EIF4B: variants seen among roughly 807,000 people sequenced by gnomAD.
EIF4B encodes eukaryotic translation initiation factor 4B.
Under a neutral mutation model 79.3 loss-of-function variants are expected in EIF4B, and 8 were observed. The observed-to-expected ratio is 0.10, with a 90% CI of 0.06 to 0.18. The LOEUF is 0.18. Among genes scored for constraint, EIF4B ranks in the 10% least tolerant of loss-of-function variants. The pLI is 1.00. For synonymous variants in EIF4B, 238 were observed against 274.7 expected, an observed-to-expected ratio of 0.87 and a Z score of 1.32; for missense variants, 515 against 792.4, an observed-to-expected ratio of 0.65 and a Z score of 4.20.
At chr12:53,015,454 A>T (rs1264859994) in intron 1 of EIF4B, among the ~76,000 whole-genome samples, 2 of 152,150 alleles carry the variant, frequency 1.3e-5, no homozygotes, top group Non-Finnish European at 2.9e-5. Flanking sequence ...CTGAGGCAGG[A>T]GGATCACTTG....
intron 6 of EIF4B, among the ~76,000 whole-genome samples, chr12:53,026,003 G>A (rs898125881): frequency 2.0e-5 from 3 of 152,078 alleles, no homozygotes; most frequent in African/African-American, 7.2e-5. Flanking sequence ...GGAGGCTGAG[G>A]CAAGAGAATC....
chr12:53,034,070 C>T (rs570493688), intron 9 of EIF4B, 36 bp downstream of exon 9: 14 of 1,568,288 alleles, frequency 8.9e-6, no homozygotes, highest in Middle Eastern at 1.7e-4. Flanking sequence ...TCTAGGAATC[C>T]GGTGGTTCGT....
intron 1 of EIF4B, chr12:53,015,040 T>A (rs1267220343): frequency 6.6e-6 from 1 of 152,256 alleles, no homozygotes; most frequent in Non-Finnish European, 1.5e-5. Flanking sequence ...TTAAATGTGT[T>A]GGTTATTAGG....
At chr12:53,029,959 C>T (rs2120956374) in intron 8 of EIF4B, among the ~76,000 whole-genome samples, 1 of 151,948 alleles carries the variant, frequency 6.6e-6, no homozygotes, top group Non-Finnish European at 1.5e-5. Context: ...TGGTGGCTCA[C>T]ATTTGTGATT....
At position 53,018,869 on chromosome 12, in the gene EIF4B, A is replaced by G. The variant is rs1478274813; in HGVS notation, c.223A>G (p.Thr75Ala). 2 of 1,613,642 alleles carry G rather than the reference A, an allele frequency of 1.2e-6. No homozygotes were observed. Among genetic ancestry groups the G allele is most frequent in the South Asian group, 1.1e-5 (1 of 91,066 alleles). The change falls in exon 3 of 15, where the codon ACT (threonine) becomes GCT (alanine). Residue 75 changes from threonine to alanine, a missense_variant. Thr to Ala is a moderately conservative substitution (Grantham distance 58). This residue lies in a region of EIF4B where 105 missense variants were observed against 177.2 expected (regional missense o/e 0.59). Transcript: ENST00000262056. The stretch of plus-strand genomic sequence containing the variant: ...TCCAATTGACCGTTCCATCCTTCCC[A>G]CTGCTCCACGGGCTGCTCGGGAACC... ...APPIDRSILP[T>A]APRAAREPNI...
intron 6 of EIF4B, among the ~76,000 whole-genome samples, chr12:53,026,432 C>T (rs748593791): frequency 1.3e-5 from 2 of 152,050 alleles, no homozygotes; most frequent in Non-Finnish European, 2.9e-5. Context: ...TAGTTTATAA[C>T]ATAAACAACA....
intron 8 of EIF4B, among the ~76,000 whole-genome samples, chr12:53,030,708 T>C (rs11170381): frequency 0.83 from 125,819 of 151,818 alleles, 53,876 homozygotes; most frequent in East Asian, 0.97. Flanking sequence ...CTGCGCCCAG[T>C]GAAAAAACTA....
At position 53,027,853 on chromosome 12, in the gene EIF4B, C is replaced by G; in HGVS notation, c.739C>G (p.Arg247Gly). 1 of 1,614,202 alleles carries G rather than the reference C, an allele frequency of 6.2e-7. No individual in the cohort carries two copies. Among genetic ancestry groups the G allele is most frequent in the African/African-American group, 1.3e-5 (1 of 75,054 alleles). The change falls in exon 7 of 15, where the codon CGG becomes GGG. Residue 247 changes from arginine to glycine, a missense_variant. By Grantham distance (125) the Arg-to-Gly change is moderately radical (BLOSUM62 -2). Transcript: ENST00000262056. ...GGATGGGTATCGGGATGGCCCACGC[C>G]GGGATATGGATCGATATGGTGGCCG... The part of the protein sequence containing the change: ...YRDGYRDGPR[R>G]DMDRYGGRDR...
intron 1 of EIF4B, chr12:53,014,530 G>A (rs764841135): frequency 3.9e-5 from 6 of 152,036 alleles, no homozygotes; most frequent in South Asian, 2.1e-4. Context: ...TACCATGTTC[G>A]TGGTCAACTT....
intron 3 of EIF4B, 63 bp downstream of exon 3, chr12:53,019,069 G>A: frequency 6.4e-7 from 1 of 1,553,156 alleles, no homozygotes; most frequent in Non-Finnish European, 8.8e-7. Flanking sequence ...AAGACTAATT[G>A]TGGAATGGGC....
intron 6 of EIF4B, among the ~76,000 whole-genome samples, chr12:53,025,852 A>G (rs1943324416): frequency 6.6e-6 from 1 of 152,196 alleles, no homozygotes; most frequent in South Asian, 2.1e-4. Context: ...TCACGCCTGT[A>G]ATCCCAGCAC....
chr12:53,022,756 T>G, intron 6 of EIF4B, 129 bp downstream of exon 6: 1 of 1,240,348 alleles, frequency 8.1e-7, no homozygotes, highest in Non-Finnish European at 1.1e-6. Flanking sequence ...AGAAAAATTT[T>G]GGATAGTATC....
intron 10 of EIF4B, among the ~76,000 whole-genome samples, chr12:53,035,583 T>C (rs1034282681): frequency 2.6e-5 from 4 of 152,000 alleles, no homozygotes; most frequent in Non-Finnish European, 5.9e-5. Flanking sequence ...TTAGCCAGGA[T>C]GGTCTCAATC....
intron 5 of EIF4B, 158 bp from the exon 6 acceptor site, chr12:53,022,335 T>C (rs7975725): frequency 0.88 from 916,393 of 1,036,908 alleles, 410,507 homozygotes; most frequent in Non-Finnish European, 0.92. Context: ...CCACCTGGGG[T>C]TGAATTGGAG....
At chr12:53,016,731 T>C (rs1943154853) in intron 2 of EIF4B, 121 bp downstream of exon 2, 1 of 1,356,642 alleles carries the variant, frequency 7.4e-7, no homozygotes, top group African/African-American at 1.5e-5. Flanking sequence ...GCACCTGAAA[T>C]CTTACATATT....
chr12:53,027,814 C>T lies in EIF4B; in HGVS notation c.700C>T (p.Arg234Trp), dbSNP rs779783975. The change falls in exon 7 of 15, where the codon CGG becomes TGG. Residue 234 changes from arginine (R) to tryptophan (W), a missense_variant. Physicochemically the swap from Arg to Trp is moderately radical, Grantham distance 101. Transcript: ENST00000262056. ...AGATCGTTATGATTCAGACCGGTAT[C>T]GGGATGGGTATCGGGATGGGTATCG... ...YRDRYDSDRY[R>W]DGYRDGYRDG... 1.9e-5 allele frequency: 31 copies of T among 1,608,718 alleles called. No homozygotes were observed. The highest frequency in any genetic ancestry group is 4.0e-5 in the African/African-American group (3 of 74,620).
At chr12:53,039,769 A>C in intron 14 of EIF4B, 67 bp downstream of exon 14, 1 of 1,510,856 alleles carries the variant, frequency 6.6e-7, no homozygotes. Flanking sequence ...AAGTATTCTT[A>C]CTAAGAATTA....
Position 53,027,368 on chromosome 12 carries a change from G to A in EIF4B, c.668-414G>A, listed in dbSNP as rs574675137. On this transcript the variant is annotated intron_variant, in intron 6 of 14. Coordinates refer to ENST00000262056, the MANE Select transcript of EIF4B (RefSeq NM_001417.7). ...AGGATGGTCTCGATCTCTTGAACTC[G>A]TGATCTGCCCACCTCGGGCTCCCAA... is the stretch of plus-strand genomic sequence containing the variant. Among the ~76,000 whole-genome samples the A allele has an allele frequency of 2.6e-5, 4 of 151,414 alleles. No homozygotes were observed. In the South Asian group the frequency reaches 6.3e-4, roughly 24 times the overall value.
intron 1 of EIF4B, chr12:53,012,217 A>G (rs973790008): frequency 6.6e-6 from 1 of 152,196 alleles, no homozygotes; most frequent in Non-Finnish European, 1.5e-5. Flanking sequence ...CTACAGTTAA[A>G]TAAGTTGAAG....
Sources: gnomAD v4.1 joint callset for allele counts (sites outside exome capture counted in the v4.1 genomes callset) on GRCh38, gnomAD v4.1.1 for gene constraint, gnomAD v4.1.1 regional missense constraint, MANE v1.5 for transcripts, NCBI Gene and HGNC (gene_info 2026-07-23, HGNC 2026-07-21) for gene names.